The following ESR2 variants were observed in gnomAD, a reference collection of about 807,000 sequenced individuals.
The protein encoded by ESR2 is estrogen receptor 2.
In ESR2, 36 loss-of-function variants were observed where a neutral mutation model predicts 49.6. The observed-to-expected ratio is 0.73, with a 90% CI of 0.56 to 0.96. ESR2 has a LOEUF of 0.96. Ranked by LOEUF, ESR2 falls within the 40% of genes least tolerant of loss-of-function variation. The pLI is 0.00. For missense variants in ESR2, 714 were observed against 693.0 expected (o/e 1.03, Z -0.34); for synonymous variants, 320 against 266.1 (o/e 1.20, Z -1.97).
At chr14:64,267,114 C>T (rs2076347569) in intron 4 of ESR2, among the ~76,000 whole-genome samples, 1 of 152,184 alleles carries the variant, frequency 6.6e-6, no homozygotes, top group Non-Finnish European at 1.5e-5. Context: ...CTCTTGACCT[C>T]ATGATTTGCA....
chr14:64,230,740 T>C lies in ESR2; in HGVS notation c.*2397A>G, dbSNP rs1231668863. 1.3e-5 allele frequency among the ~76,000 whole-genome samples: 2 copies of C among 151,678 alleles called. No homozygotes were observed. Among genetic ancestry groups the C allele is most frequent in the Non-Finnish European group, 2.9e-5 (2 of 67,952 alleles). On this transcript the variant is annotated 3_prime_UTR_variant, in exon 9 of 9. Transcript: ENST00000341099. ...CGAGATTCGGTGAGAATAGCTCAGCTGGAAACTCACTGTGCGGCGCTCCTG... is the reference window on the plus strand; with the variant it reads ...CGAGATTCGGTGAGAATAGCTCAGCCGGAAACTCACTGTGCGGCGCTCCTG...
intron 7 of ESR2, among the ~76,000 whole-genome samples, chr14:64,247,268 T>C (rs898422329): frequency 2.0e-5 from 3 of 152,238 alleles, no homozygotes; most frequent in Non-Finnish European, 4.4e-5. Flanking sequence ...TCATTTTTGT[T>C]ATATTTTGCA....
intron 1 of ESR2, among the ~76,000 whole-genome samples, chr14:64,288,650 A>T (rs2076820495): frequency 6.6e-6 from 1 of 151,194 alleles, no homozygotes; most frequent in Non-Finnish European, 1.5e-5. Flanking sequence ...GCCAGCCAAG[A>T]CTAGACTGGT....
In ESR2 at chr14:64,262,720, G is replaced by T. The variant is rs1252789536; in HGVS notation, c.653-1972C>A. Among the ~76,000 whole-genome samples the T allele has an allele frequency of 7.2e-5, 11 of 152,086 alleles. No individual in the cohort carries two copies. The East Asian group carries it at 2.1e-3, about 29-fold the overall frequency. On this transcript the variant is annotated intron_variant, in intron 4 of 8. Transcript: ENST00000341099. ...GAGGCCAGGAGTTCAAGACCAACCT[G>T]GGCAGCATGGTGAAACCCCATCTCT...
At chr14:64,332,048 A>G (rs1214795317) in intron 1 of ESR2, among the ~76,000 whole-genome samples, 1 of 152,154 alleles carries the variant, frequency 6.6e-6, no homozygotes, top group Non-Finnish European at 1.5e-5. Context: ...AAAGACATAA[A>G]TTTTTAAAAA....
downstream of ESR2, chr14:64,227,325 A>G: frequency 1.6e-6 from 1 of 610,050 alleles, no homozygotes; most frequent in Non-Finnish European, 2.8e-6. Context: ...ATCTGAAGAG[A>G]ATCCGTCTTC....
chr14:64,236,532 G>C (rs1243165612), intron 7 of ESR2, among the ~76,000 whole-genome samples: 1 of 151,998 alleles, frequency 6.6e-6, no homozygotes, highest in Non-Finnish European at 1.5e-5. Flanking sequence ...CAAACCACCT[G>C]GTGCAGCTAT....
At chr14:64,289,521 TAAAG>T (rs756657881) in intron 1 of ESR2, among the ~76,000 whole-genome samples, 5 of 134,126 alleles carry the variant, frequency 3.7e-5, no homozygotes, top group Non-Finnish European at 6.5e-5. Flanking sequence ...TCAAAAAAAA[TAAAG>T]AAAAAGAAAA....
intron 1 of ESR2, among the ~76,000 whole-genome samples, chr14:64,288,856 C>T (rs554216208): frequency 1.3e-5 from 2 of 151,414 alleles, no homozygotes; most frequent in Non-Finnish European, 2.9e-5. Flanking sequence ...TGTGGCAGCG[C>T]TTGCCTGTAA....
chr14:64,242,428 A>C (rs1030454021), intron 7 of ESR2, among the ~76,000 whole-genome samples: 1 of 104,128 alleles, frequency 9.6e-6, no homozygotes, highest in Non-Finnish European at 1.8e-5. Flanking sequence ...CAAAAAAAAC[A>C]AAACAAACAA....
intron 3 of ESR2, among the ~76,000 whole-genome samples, chr14:64,270,371 G>C (rs530503495): frequency 6.6e-6 from 1 of 152,252 alleles, no homozygotes; most frequent in South Asian, 2.1e-4. Flanking sequence ...TGGCAGGAGG[G>C]ACCACCCAAA....
chr14:64,234,627 CAG>C (rs1216701967), intron 8 of ESR2: 6 of 375,616 alleles, frequency 1.6e-5, no homozygotes, highest in Admixed American at 4.3e-5. Flanking sequence ...AAAGTGGCCT[CAG>C]GGCCTCAGCC....
At chr14:64,267,383 C>T (rs146652812) in intron 4 of ESR2, among the ~76,000 whole-genome samples, 47 of 152,076 alleles carry the variant, frequency 3.1e-4, no homozygotes, top group African/African-American at 9.4e-4. Flanking sequence ...CAATAATACA[C>T]GCTGTGAGGC....
chr14:64,238,788 G>A (rs1464418642), intron 7 of ESR2, among the ~76,000 whole-genome samples: 1 of 151,690 alleles, frequency 6.6e-6, no homozygotes, highest in Non-Finnish European at 1.5e-5. Context: ...CAAGATCTTG[G>A]CACCATGCCT....
intron 3 of ESR2, among the ~76,000 whole-genome samples, chr14:64,273,857 A>G (rs2076499831): frequency 1.3e-5 from 2 of 151,854 alleles, no homozygotes; most frequent in Non-Finnish European, 2.9e-5. Flanking sequence ...AATTGTTTGA[A>G]TAGGATTGGC....
intron 1 of ESR2, among the ~76,000 whole-genome samples, chr14:64,331,769 G>C (rs1319610413): frequency 6.9e-6 from 1 of 145,538 alleles, no homozygotes; most frequent in Non-Finnish European, 1.5e-5. Flanking sequence ...GGTTGCATGA[G>C]CCGAGATCAT....
At chr14:64,249,435 A>C (rs1214149304) in intron 7 of ESR2, 111 bp downstream of exon 7, 1 of 1,321,078 alleles carries the variant, frequency 7.6e-7, no homozygotes, top group East Asian at 2.4e-5. Context: ...AAAGGAAACC[A>C]TTTTACCCTT....
intron 5 of ESR2, chr14:64,260,111 G>T: frequency 1.9e-6 from 1 of 516,652 alleles, no homozygotes; most frequent in South Asian, 1.5e-5. Context: ...ACAGGATAGG[G>T]TTTGTGCAAG....
rs1236249379 is a variant in ESR2, at chr14:64,283,041, T to C, written c.-56A>G. ...GCAAGAAGAGGCACAAAGGTCATTA[T>C]AATGTTCTCAAAGATTCGTGGGCAA... is the stretch of plus-strand genomic sequence containing the variant. On this transcript the variant is annotated 5_prime_UTR_variant, in exon 2 of 9. Coordinates refer to ENST00000341099, the MANE Select transcript of ESR2 (RefSeq NM_001437.3). 3 of 1,538,076 alleles carry C rather than the reference T, an allele frequency of 2.0e-6. No individual in the cohort carries two copies. Among genetic ancestry groups the C allele is most frequent in the East Asian group, 2.3e-5 (1 of 44,306 alleles).
Sources: allele counts gnomAD v4.1 joint callset (sites outside exome capture counted in the v4.1 genomes callset), GRCh38; gene constraint gnomAD v4.1.1; transcripts MANE v1.5; gene names NCBI Gene and HGNC (gene_info 2026-07-23, HGNC 2026-07-21).